PSD3: variants seen among roughly 807,000 people sequenced by gnomAD.
PSD3 encodes pleckstrin and Sec7 domain containing 3.
A neutral mutation model predicts 105.5 loss-of-function variants in PSD3; 49 were observed. That is an observed-to-expected ratio of 0.46 (90% CI 0.37 to 0.59). The LOEUF is 0.59. PSD3 is among the 20% of genes least tolerant of loss of function. PSD3 has a pLI of 0.00. For synonymous variants in PSD3, 557 were observed against 457.8 expected (o/e 1.22, Z -2.77); for missense variants, 1,561 against 1,263.8 (o/e 1.24, Z -3.57).
intron 8 of PSD3, among the ~76,000 whole-genome samples, chr8:18,778,017 G>A (rs1236604738): frequency 1.3e-5 from 2 of 152,204 alleles, no homozygotes; most frequent in Non-Finnish European, 2.9e-5. Flanking sequence ...ATGTATATAT[G>A]TTACATTTTC....
intron 1 of PSD3, among the ~76,000 whole-genome samples, chr8:18,986,901 T>C (rs1825526708): frequency 6.6e-6 from 1 of 152,120 alleles, no homozygotes; most frequent in Non-Finnish European, 1.5e-5. Context: ...TCACACACCG[T>C]GGGCCTACTT....
intron 11 of PSD3, among the ~76,000 whole-genome samples, chr8:18,615,763 G>A (rs1805614104): frequency 6.6e-6 from 1 of 152,176 alleles, no homozygotes; most frequent in Admixed American, 6.5e-5. Flanking sequence ...AATCAGACAA[G>A]TGGGCTTGTC....
At chr8:18,607,696 C>CA (rs1491567677) in intron 11 of PSD3, among the ~76,000 whole-genome samples, 1 of 96,506 alleles carries the variant, frequency 1.0e-5, no homozygotes, top group African/African-American at 4.6e-5. Context: ...AAAAAAAAAA[C>CA]AAAACAAAAA....
chr8:18,850,167 G>A (rs1815447110), intron 4 of PSD3, among the ~76,000 whole-genome samples: 1 of 152,224 alleles, frequency 6.6e-6, no homozygotes, highest in African/African-American at 2.4e-5. Flanking sequence ...GAAAAGCATT[G>A]AAAACCAGAA....
intron 1 of PSD3, among the ~76,000 whole-genome samples, chr8:18,948,816 G>A (rs1823020911): frequency 2.0e-5 from 3 of 151,908 alleles, no homozygotes; most frequent in African/African-American, 7.3e-5. Context: ...TTGTCACTTT[G>A]ACAAAGAGAA....
chr8:18,684,242 ACACACACACC>A (rs996169920), intron 9 of PSD3: 2 of 195,370 alleles, frequency 1.0e-5, no homozygotes, highest in African/African-American at 2.5e-5. Flanking sequence ...ACACACACAC[ACACACACACC>A]CCATCATATT....
rs182238743 is a variant in PSD3, at chr8:18,696,149, C to T, written c.2173-40464G>A. Among the ~76,000 whole-genome samples, 301 of 152,338 alleles carry T rather than the reference C, an allele frequency of 2.0e-3. 1 individual carries two copies. The highest frequency in any genetic ancestry group is 6.3e-3 in the African/African-American group (262 of 41,582). The stretch of plus-strand genomic sequence containing the variant: ...CTCTCTAGCTTTCTCCACCGACCTC[C>T]GGTCCCAGAGCTCTGCAAGGATTCA... On this transcript the variant is annotated intron_variant, in intron 9 of 15. Transcript: ENST00000327040.
intron 1 of PSD3, among the ~76,000 whole-genome samples, chr8:19,073,541 A>C (rs1829341657): frequency 8.6e-6 from 1 of 116,574 alleles, no homozygotes; most frequent in Admixed American, 1.0e-4. Flanking sequence ...ACAGAGTGAA[A>C]CTGTCTCTCA....
rs560692052 is a variant in PSD3 at position 18,611,351 on chromosome 8, T to G, written c.2411-10917A>C. Among the ~76,000 whole-genome samples, 6 of 152,132 alleles carry G rather than the reference T, an allele frequency of 3.9e-5. No individual in the cohort carries two copies. In the East Asian group the frequency reaches 1.2e-3, roughly 29 times the overall value. On this transcript the variant is annotated intron_variant, in intron 11 of 15. Coordinates refer to ENST00000327040, the MANE Select transcript of PSD3 (RefSeq NM_015310.4). ...AAAATGTGGATCCCAATTTTGGAAG[T>G]CTCAAAACATTGCAAATGATCATCA...
intron 9 of PSD3, among the ~76,000 whole-genome samples, chr8:18,694,030 C>G (rs1387091774): frequency 6.6e-6 from 1 of 152,174 alleles, no homozygotes; most frequent in Admixed American, 6.6e-5. Flanking sequence ...AATTTGGGAT[C>G]TGAAAATAGT....
intron 1 of PSD3, among the ~76,000 whole-genome samples, chr8:18,995,595 T>G (rs1400464099): frequency 6.6e-6 from 1 of 151,968 alleles, no homozygotes; most frequent in Non-Finnish European, 1.5e-5. Context: ...ATTAGTCTGT[T>G]CTCAGGCTGC....
At chr8:18,713,288 A>G (rs1295421255) in intron 9 of PSD3, among the ~76,000 whole-genome samples, 1 of 152,184 alleles carries the variant, frequency 6.6e-6, no homozygotes, top group Non-Finnish European at 1.5e-5. Context: ...TGGCCAAGGA[A>G]ATCAGGCAAG....
chr8:18,662,181 T>G (rs1204621053), intron 9 of PSD3, among the ~76,000 whole-genome samples: 1 of 152,122 alleles, frequency 6.6e-6, no homozygotes, highest in Non-Finnish European at 1.5e-5. Context: ...CACTAGAAAA[T>G]TACTCTTCAA....
chr8:18,556,919 C>A (rs941069999), intron 14 of PSD3, among the ~76,000 whole-genome samples: 2 of 152,182 alleles, frequency 1.3e-5, no homozygotes, highest in African/African-American at 4.8e-5. Context: ...CAGCAGAGTT[C>A]TTAGTTCCTT....
At chr8:18,772,155 C>A (rs1807599117) in intron 8 of PSD3, among the ~76,000 whole-genome samples, 1 of 152,152 alleles carries the variant, frequency 6.6e-6, no homozygotes, top group African/African-American at 2.4e-5. Context: ...TCTGCTTCTA[C>A]TTCTTGGTTA....
intron 15 of PSD3, among the ~76,000 whole-genome samples, chr8:18,551,761 T>G (rs1235326945): frequency 1.3e-5 from 2 of 152,188 alleles, no homozygotes; most frequent in Non-Finnish European, 2.9e-5. Flanking sequence ...GTGGACATTC[T>G]CTTTTTTCCT....
chr8:18,705,200 A>G (rs904507165), intron 9 of PSD3, among the ~76,000 whole-genome samples: 2 of 152,162 alleles, frequency 1.3e-5, no homozygotes, highest in African/African-American at 4.8e-5. Flanking sequence ...GTTGTTGAAA[A>G]TAACAAAAAA....
chr8:18,762,058 C>T (rs1418021416), intron 9 of PSD3, among the ~76,000 whole-genome samples: 3 of 152,136 alleles, frequency 2.0e-5, no homozygotes, highest in Non-Finnish European at 4.4e-5. Context: ...ACCTATACTT[C>T]AAAAGGCCAT....
intron 1 of PSD3, among the ~76,000 whole-genome samples, chr8:18,941,556 A>G (rs1164192702): frequency 6.6e-6 from 1 of 152,072 alleles, no homozygotes; most frequent in Non-Finnish European, 1.5e-5. Context: ...TACATTTGAT[A>G]TGACTTTTCA....
Sources: gnomAD v4.1 joint callset for allele counts (sites outside exome capture counted in the v4.1 genomes callset) on GRCh38, gnomAD v4.1.1 for gene constraint, MANE v1.5 for transcripts, NCBI Gene and HGNC (gene_info 2026-07-23, HGNC 2026-07-21) for gene names.